The following DNAH5 variants were observed in gnomAD, a reference collection of about 807,000 sequenced individuals.
DNAH5 encodes the protein dynein axonemal heavy chain 5.
A neutral mutation model predicts 518.2 loss-of-function variants in DNAH5; 372 were observed. The ratio of observed to expected loss-of-function variants is 0.72; its 90% confidence interval spans 0.66 to 0.78. DNAH5 has a LOEUF of 0.78. Among genes scored for constraint, DNAH5 ranks in the 30% least tolerant of loss-of-function variants. The probability of loss-of-function intolerance (pLI) is 0.00; values close to 1 mark genes in which losing one functional copy is unlikely to be tolerated. For missense variants in DNAH5, 5,523 were observed against 5,687.0 expected (o/e 0.97, Z 0.93); for synonymous variants, 2,039 against 2,025.9 (o/e 1.01, Z -0.17).
At chr5:13,757,975 C>A (rs183321357) in intron 61 of DNAH5, among the ~76,000 whole-genome samples, 77 of 151,864 alleles carry the variant, frequency 5.1e-4, no homozygotes, top group African/African-American at 1.8e-3. Context: ...CAAGGTAAAA[C>A]AGAGTGAATC....
rs771108785 is a variant in DNAH5 at position 13,692,055 on chromosome 5, C to A, written c.13804G>T (p.Asp4602Tyr). Reference protein sequence around the residue: ...RTDLNYIAAVDLRTAQTPEHW... With the variant: ...RTDLNYIAAVYLRTAQTPEHW... Reference sequence around the variant, plus strand: ...TCAGGGGTCTGGGCTGTCCTGAGATCCACAGCGGCAATGTAGTTCAAGTCC... The same window carrying A: ...TCAGGGGTCTGGGCTGTCCTGAGATACACAGCGGCAATGTAGTTCAAGTCC... The change falls in exon 79 of 79, where the codon GAT becomes TAT. Residue 4602 changes from aspartate to tyrosine, a missense_variant. Physicochemically the swap from Asp to Tyr is radical, Grantham distance 160 (BLOSUM62 -3). This residue lies in a region of DNAH5 where 387 missense variants were observed against 430.0 expected (regional missense o/e 0.90). Coordinates refer to ENST00000265104, the MANE Select transcript of DNAH5 (RefSeq NM_001369.3). 2 of 1,614,086 alleles carry A rather than the reference C, an allele frequency of 1.2e-6. No homozygotes were observed. Among genetic ancestry groups the A allele is most frequent in the East Asian group, 4.5e-5 (2 of 44,862 alleles).
At chr5:13,946,035 T>C (rs1779883245), upstream of DNAH5, among the ~76,000 whole-genome samples, 1 of 152,116 alleles carries the variant, frequency 6.6e-6, no homozygotes, top group Non-Finnish European at 1.5e-5. Context: ...CACCAGAAAA[T>C]AGCAGTAGGA....
In DNAH5 at chr5:13,719,121, G is replaced by A. The variant is rs765755729; in HGVS notation, c.12280-20C>T. 6.3e-7 allele frequency: 1 copy of A among 1,589,556 alleles called. No homozygotes were observed. Among genetic ancestry groups the A allele is most frequent in the East Asian group, 2.2e-5 (1 of 44,688 alleles). On this transcript the variant is annotated intron_variant, in intron 71 of 78. Transcript: ENST00000265104. ...TCCTCCCTGTCAATAGCAGTAAACG[G>A]AAATTAGGTAGTTTTGTATTTCACC...
rs563221481 is a variant in DNAH5, at chr5:13,747,458, C to A, written c.11211+3620G>T. Among the ~76,000 whole-genome samples, 470 of 152,228 alleles carry A rather than the reference C, an allele frequency of 3.1e-3. 1 individual carries two copies. The highest frequency in any genetic ancestry group is 0.01 in the African/African-American group (417 of 41,524). ...TTCTAGTTCTAGATCCCTGAGGAATCGCCACACTGTCTTCCACAATGGTTG... is the reference window on the plus strand; with the variant it reads ...TTCTAGTTCTAGATCCCTGAGGAATAGCCACACTGTCTTCCACAATGGTTG... On this transcript the variant is annotated intron_variant, in intron 65 of 78. Transcript: ENST00000265104.
At chr5:13,792,443 A>G (rs956901258) in intron 49 of DNAH5, among the ~76,000 whole-genome samples, 3 of 152,332 alleles carry the variant, frequency 2.0e-5, no homozygotes, top group South Asian at 4.1e-4. Flanking sequence ...AAACTGATTA[A>G]GAAATACTGC....
At position 13,773,746 on chromosome 5, in the gene DNAH5, C is replaced by A. The variant is rs149523396; in HGVS notation, c.9373+2693G>T. On this transcript the variant is annotated intron_variant, in intron 55 of 78. Transcript: ENST00000265104. The stretch of plus-strand genomic sequence containing the variant: ...TGTGGTTAATCCCAAGAAGAAAAAG[C>A]ACAGAGTGCTATGGAATGGATAACA... 2.0e-5 allele frequency among the ~76,000 whole-genome samples: 3 copies of A among 152,186 alleles called. No individual in the cohort carries two copies. The East Asian group carries it at 5.8e-4, about 29-fold the overall frequency.
chr5:13,866,341 A>G lies in DNAH5; in HGVS notation c.4054-59T>C, dbSNP rs11748811. 571,896 of 1,342,930 alleles carry G rather than the reference A, an allele frequency of 0.43. 124,358 individuals carry two copies. The highest frequency in any genetic ancestry group is 0.47 in the South Asian group (37,731 of 80,306). The allele number at this position is 1,342,930 out of a possible 1,614,324, so 83.2% of individuals were successfully genotyped here. A position where few individuals can be genotyped will look rare whatever the true frequency, so the allele number is the denominator to read the frequency against. Reference sequence around the variant, plus strand: ...AAGTGTTTGCATATAAATTTCATGAACTCAATCCATATTTAAATATTAAAG... The same window carrying G: ...AAGTGTTTGCATATAAATTTCATGAGCTCAATCCATATTTAAATATTAAAG... On this transcript the variant is annotated intron_variant, in intron 25 of 78. Coordinates refer to ENST00000265104, the MANE Select transcript of DNAH5 (RefSeq NM_001369.3).
At chr5:13,795,728 C>T (rs1191469037) in intron 47 of DNAH5, among the ~76,000 whole-genome samples, 2 of 115,646 alleles carry the variant, frequency 1.7e-5, no homozygotes, top group Non-Finnish European at 3.7e-5. Flanking sequence ...GATACCAAAG[C>T]CTGGCAGAGT....
At chr5:13,898,519 A>G in intron 15 of DNAH5, 1 of 398,548 alleles carries the variant, frequency 2.5e-6, no homozygotes, top group Non-Finnish European at 4.4e-6. Context: ...TATGACATGA[A>G]GTGGTGGGAA....
chr5:13,736,571 C>T (rs1029067129), intron 66 of DNAH5, among the ~76,000 whole-genome samples: 2 of 151,302 alleles, frequency 1.3e-5, no homozygotes, highest in Non-Finnish European at 2.9e-5. Context: ...ATTTTTTTTT[C>T]TCTTATATTT....
At chr5:13,868,197 ATCT>A (rs1237588360) in intron 24 of DNAH5, among the ~76,000 whole-genome samples, 1 of 152,142 alleles carries the variant, frequency 6.6e-6, no homozygotes, top group Non-Finnish European at 1.5e-5. Flanking sequence ...AAATGGGAAA[ATCT>A]TCTGGCTACT....
chr5:13,699,324 T>C (rs1173348607), intron 78 of DNAH5, among the ~76,000 whole-genome samples: 1 of 152,212 alleles, frequency 6.6e-6, no homozygotes, highest in East Asian at 1.9e-4. Context: ...TGTGAGTCTC[T>C]GGGAGCTGGA....
In DNAH5 at chr5:13,844,821, T is replaced by A; in HGVS notation, c.5271+16A>T. On this transcript the variant is annotated intron_variant, in intron 32 of 78. Transcript: ENST00000265104. ...AGGTACGGTGATTGTTGGCCTGCCA[T>A]TAGAATTAGGCGAACCTTTTCGTGG... The A allele has an allele frequency of 6.2e-7, 1 of 1,614,168 alleles. No individual in the cohort carries two copies. The highest frequency in any genetic ancestry group is 8.5e-7 in the Non-Finnish European group (1 of 1,179,992).
intron 40 of DNAH5, among the ~76,000 whole-genome samples, chr5:13,822,303 T>A (rs1762335078): frequency 6.6e-6 from 1 of 151,704 alleles, no homozygotes; most frequent in South Asian, 2.1e-4. Flanking sequence ...CAGGCTGGAG[T>A]GCAGTGGTGT....
chr5:13,884,864 T>C, intron 19 of DNAH5, 125 bp downstream of exon 19: 1 of 1,396,232 alleles, frequency 7.2e-7, no homozygotes, highest in Admixed American at 2.2e-5. Flanking sequence ...AAAAGATGAA[T>C]ATTTTTAATT....
At chr5:13,819,960 G>T (rs1204316760) in intron 41 of DNAH5, among the ~76,000 whole-genome samples, 1 of 152,042 alleles carries the variant, frequency 6.6e-6, no homozygotes. Context: ...GGAAAACTGG[G>T]CTTTTTTTAA....
At chr5:13,708,633 T>C (rs921777985) in intron 75 of DNAH5, among the ~76,000 whole-genome samples, 3 of 152,204 alleles carry the variant, frequency 2.0e-5, no homozygotes, top group Non-Finnish European at 2.9e-5. Context: ...AATGCACTTA[T>C]TGGGAAACTC....
intron 75 of DNAH5, among the ~76,000 whole-genome samples, chr5:13,712,491 G>A (rs947620548): frequency 6.6e-6 from 1 of 152,174 alleles, no homozygotes; most frequent in Non-Finnish European, 1.5e-5. Flanking sequence ...AAACTAAAGA[G>A]CCTTTGCATG....
In DNAH5 at chr5:13,814,625, C is replaced by A; in HGVS notation, c.7210G>T (p.Asp2404Tyr). The A allele has an allele frequency of 6.2e-7, 1 of 1,613,898 alleles. No homozygotes were observed. Among genetic ancestry groups the A allele is most frequent in the Non-Finnish European group, 8.5e-7 (1 of 1,179,828 alleles). The change falls in exon 43 of 79, where the codon GAT becomes TAT. Residue 2404 changes from aspartate (D) to tyrosine (Y), a missense_variant. By Grantham distance (160) the Asp-to-Tyr change is radical. Transcript: ENST00000265104. ...TATACCTCAAGAATAGGACTCCAATCAAGGATAGAAGAGCTCATGAAAACC... is the reference window on the plus strand; with the variant it reads ...TATACCTCAAGAATAGGACTCCAATAAAGGATAGAAGAGCTCATGAAAACC... ...GMVFMSSSIL[D>Y]WSPILEGFLK...
Sources: gnomAD v4.1 joint callset for allele counts (sites outside exome capture counted in the v4.1 genomes callset) on GRCh38, gnomAD v4.1.1 for gene constraint, gnomAD v4.1.1 regional missense constraint, MANE v1.5 for transcripts, NCBI Gene and HGNC (gene_info 2026-07-23, HGNC 2026-07-21) for gene names.